ERO1B: variants seen among roughly 807,000 people sequenced by gnomAD.
ERO1B encodes endoplasmic reticulum oxidoreductase 1 beta.
In ERO1B, 49 loss-of-function variants were observed where a neutral mutation model predicts 75.3. The ratio of observed to expected loss-of-function variants is 0.65; its 90% CI spans 0.52 to 0.83. The LOEUF is 0.83. ERO1B is among the 40% of genes least tolerant of loss of function. The pLI, the probability that ERO1B is intolerant of heterozygous loss-of-function variation, is 0.00. For missense variants in ERO1B, 512 were observed against 560.1 expected, an observed-to-expected ratio of 0.91 and a Z score of 0.87; for synonymous variants, 191 against 192.9, an observed-to-expected ratio of 0.99 and a Z score of 0.08.
At chr1:236,236,530 G>A (rs1664551867) in intron 6 of ERO1B, 132 bp from the exon 7 acceptor site, 3 of 833,528 alleles carry the variant, frequency 3.6e-6, no homozygotes, top group Non-Finnish European at 5.3e-6. Flanking sequence ...AACTTAAATG[G>A]TATAGTGGTT....
At chr1:236,253,624 G>C (rs546426667) in intron 2 of ERO1B, 119 bp from the exon 3 acceptor site, 67 of 661,502 alleles carry the variant, frequency 1.0e-4, no homozygotes, top group African/African-American at 1.0e-3. Context: ...TCCTATCCTC[G>C]TGGCACCTAT....
intron 1 of ERO1B, among the ~76,000 whole-genome samples, chr1:236,277,400 C>T (rs1422000148): frequency 6.8e-6 from 1 of 146,060 alleles, no homozygotes; most frequent in East Asian, 2.0e-4. Context: ...CGAGACTCTA[C>T]TCCAGGAAAA....
intron 9 of ERO1B, among the ~76,000 whole-genome samples, chr1:236,230,472 G>A (rs1664378555): frequency 6.6e-6 from 1 of 151,652 alleles, no homozygotes; most frequent in South Asian, 2.1e-4. Context: ...AATTAGCCGG[G>A]TATGGAGGTG....
intron 10 of ERO1B, among the ~76,000 whole-genome samples, chr1:236,227,246 A>G (rs1373024984): frequency 1.3e-5 from 2 of 150,786 alleles, no homozygotes; most frequent in East Asian, 4.4e-4. Flanking sequence ...GAAATCCAGG[A>G]ATTTCAACTA....
intron 1 of ERO1B, among the ~76,000 whole-genome samples, chr1:236,281,169 C>A (rs754442506): frequency 3.9e-5 from 6 of 152,138 alleles, no homozygotes; most frequent in Admixed American, 6.5e-5. Context: ...GAGTAAAAGC[C>A]CAGAAAGCTC....
At chr1:236,260,852 A>AAAATAAATAAAT (rs71559930) in intron 2 of ERO1B, among the ~76,000 whole-genome samples, 3 of 151,638 alleles carry the variant, frequency 2.0e-5, no homozygotes, top group African/African-American at 7.3e-5. Context: ...ACACTACAAA[A>AAAATAAATAAAT]AAATAAACAA....
rs920536492 is a variant in ERO1B at position 236,215,938 on chromosome 1, T to C, written c.*2578A>G. On this transcript the variant is annotated 3_prime_UTR_variant, in exon 16 of 16. Transcript: ENST00000354619. Reference sequence around the variant, plus strand: ...CATATACATACAGAGATTACAAATATCGAATAATTCACAATGTTAAAAATG... The same window carrying C: ...CATATACATACAGAGATTACAAATACCGAATAATTCACAATGTTAAAAATG... 6.6e-6 allele frequency: 1 copy of C among 151,092 alleles called. No homozygotes were observed. The highest frequency in any genetic ancestry group is 2.5e-5 in the African/African-American group (1 of 40,682). 9.4% of individuals were successfully genotyped at this position (151,092 alleles called of 1,614,324 possible).
At chr1:236,267,509 T>C (rs1665475086) in intron 2 of ERO1B, among the ~76,000 whole-genome samples, 1 of 151,898 alleles carries the variant, frequency 6.6e-6, no homozygotes, top group Admixed American at 6.6e-5. Flanking sequence ...AAACCCAAAG[T>C]GAAGGAGTGA....
At chr1:236,241,165 C>CTT (rs72368474) in intron 6 of ERO1B, among the ~76,000 whole-genome samples, 10,445 of 152,128 alleles carry the variant, frequency 0.069, 741 homozygotes, top group East Asian at 0.39. Context: ...GGTGAATATT[C>CTT]TTTATATTTT....
chr1:236,265,986 C>G (rs1004101568), intron 2 of ERO1B, among the ~76,000 whole-genome samples: 116 of 152,308 alleles, frequency 7.6e-4, no homozygotes, highest in African/African-American at 2.7e-3. Flanking sequence ...ACCTCTCCCA[C>G]CCTCCAATTC....
intron 6 of ERO1B, among the ~76,000 whole-genome samples, chr1:236,240,979 GA>G (rs898485586): frequency 9.9e-5 from 15 of 152,158 alleles, no homozygotes; most frequent in African/African-American, 3.1e-4. Flanking sequence ...CCATGATAAA[GA>G]CAGTAACAAC....
chr1:236,257,454 G>A (rs1346779838), intron 2 of ERO1B, among the ~76,000 whole-genome samples: 5 of 151,018 alleles, frequency 3.3e-5, no homozygotes, highest in African/African-American at 7.3e-5. Flanking sequence ...CAGTATCTAG[G>A]AGCCTATGTA....
chr1:236,270,485 A>C (rs1464016845), intron 1 of ERO1B, among the ~76,000 whole-genome samples: 3 of 152,186 alleles, frequency 2.0e-5, no homozygotes, highest in African/African-American at 7.2e-5. Flanking sequence ...TATTACATAT[A>C]AGGAAATTAA....
intron 2 of ERO1B, among the ~76,000 whole-genome samples, chr1:236,255,387 T>C (rs1387871887): frequency 6.6e-6 from 1 of 152,192 alleles, no homozygotes; most frequent in Non-Finnish European, 1.5e-5. Flanking sequence ...TAGTGCTCAG[T>C]ATGCAACCTC....
intron 1 of ERO1B, among the ~76,000 whole-genome samples, chr1:236,274,579 T>C (rs2102967497): frequency 6.6e-6 from 1 of 152,326 alleles, no homozygotes; most frequent in African/African-American, 2.4e-5. Flanking sequence ...TCTCCAGGTA[T>C]CTTAAGTTCT....
intron 15 of ERO1B, among the ~76,000 whole-genome samples, chr1:236,220,018 T>C (rs1664096655): frequency 9.6e-6 from 1 of 104,560 alleles, no homozygotes; most frequent in African/African-American, 4.2e-5. Flanking sequence ...AGCGAGACCC[T>C]CATCTCTTTT....
At chr1:236,243,391 ATAATT>A (rs901882334) in intron 6 of ERO1B, 26 bp downstream of exon 6, 3 of 1,384,658 alleles carry the variant, frequency 2.2e-6, no homozygotes, top group East Asian at 2.5e-5. Flanking sequence ...TAAAGTTAAA[ATAATT>A]TAATTATAAT....
At chr1:236,257,716 G>C (rs752862936) in intron 2 of ERO1B, among the ~76,000 whole-genome samples, 2 of 151,532 alleles carry the variant, frequency 1.3e-5, no homozygotes, top group Non-Finnish European at 2.9e-5. Context: ...TCAACAAAGA[G>C]GTAGAAAATA....
chr1:236,270,057 TA>T, intron 1 of ERO1B, 63 bp from the exon 2 acceptor site: 1 of 1,146,292 alleles, frequency 8.7e-7, no homozygotes, highest in Admixed American at 2.4e-5. Context: ...AAATCTACAC[TA>T]TTATATAAAA....
Sources: allele counts gnomAD v4.1 joint callset (sites outside exome capture counted in the v4.1 genomes callset), GRCh38; gene constraint gnomAD v4.1.1; transcripts MANE v1.5; gene names NCBI Gene and HGNC (gene_info 2026-07-23, HGNC 2026-07-21).